Variants in NDUFAF2 observed in about 807,000 individuals in gnomAD.
The protein encoded by NDUFAF2 is NADH dehydrogenase [ubiquinone] 1 alpha subcomplex assembly factor 2.
A neutral mutation model predicts 22.8 loss-of-function variants in NDUFAF2; 13 were observed. The ratio of observed to expected loss-of-function variants is 0.57; its 90% confidence interval spans 0.37 to 0.91. The LOEUF (loss-of-function observed/expected upper bound fraction) is 0.91. Among genes scored for constraint, NDUFAF2 ranks in the 40% least tolerant of loss-of-function variants. The probability of loss-of-function intolerance (pLI) is 0.01; values close to 1 mark genes in which losing one functional copy is unlikely to be tolerated. For missense variants in NDUFAF2, 162 were observed against 195.2 expected (o/e 0.83, Z 1.01); for synonymous variants, 53 against 64.2 (o/e 0.83, Z 0.84).
rs80237818 is a variant in NDUFAF2 at position 61,121,180 on chromosome 5, T to C, written c.258+22148T>C. 5.8e-3 allele frequency among the ~76,000 whole-genome samples: 880 copies of C among 152,280 alleles called. 9 individuals carry two copies. The highest frequency in any genetic ancestry group is 0.02 in the African/African-American group (826 of 41,580). ...ATACTATGCCCATATGTTAGTCCTA[T>C]AGTCATAAAGAATTAGGCATTTTAT... is the stretch of plus-strand genomic sequence containing the variant. On this transcript the variant is annotated intron_variant, in intron 3 of 3. Transcript: ENST00000296597.
In NDUFAF2 at chr5:61,036,700, A is replaced by C. The variant is rs572039614; in HGVS notation, c.128-36425A>C. Among the ~76,000 whole-genome samples the C allele has an allele frequency of 3.9e-5, 6 of 152,334 alleles. 1 individual carries two copies. The South Asian group carries it at 1.2e-3, about 32-fold the overall frequency. ...GATGTCTTTACCATTTCCAGTGCTG[A>C]AACAGTGAGGGGAAGAAGTGGTTTC... On this transcript the variant is annotated intron_variant, in intron 1 of 3. Coordinates refer to ENST00000296597, the MANE Select transcript of NDUFAF2 (RefSeq NM_174889.5).
intron 1 of NDUFAF2, among the ~76,000 whole-genome samples, chr5:60,995,904 C>T (rs1472198388): frequency 2.0e-5 from 3 of 152,150 alleles, no homozygotes; most frequent in Non-Finnish European, 4.4e-5. Context: ...AATGTCCCTC[C>T]CCATTTCAAA....
chr5:61,028,494 A>G (rs1751682719), intron 1 of NDUFAF2, among the ~76,000 whole-genome samples: 1 of 152,280 alleles, frequency 6.6e-6, no homozygotes, highest in South Asian at 2.1e-4. Flanking sequence ...CTTAGTAAAC[A>G]GTAAATAATA....
chr5:60,946,736 C>T (rs1209776985), intron 1 of NDUFAF2, among the ~76,000 whole-genome samples: 2 of 152,118 alleles, frequency 1.3e-5, no homozygotes, highest in Admixed American at 6.5e-5. Flanking sequence ...GTAGAGTAAC[C>T]TCACTGGATT....
chr5:61,058,635 T>G (rs189513353), intron 1 of NDUFAF2, among the ~76,000 whole-genome samples: 36 of 152,166 alleles, frequency 2.4e-4, no homozygotes, highest in Middle Eastern at 3.4e-3. Context: ...TAAGACATCT[T>G]AACTCATGTT....
At chr5:60,966,142 C>T (rs1750755833) in intron 1 of NDUFAF2, among the ~76,000 whole-genome samples, 1 of 152,134 alleles carries the variant, frequency 6.6e-6, no homozygotes, top group African/African-American at 2.4e-5. Context: ...ATTTTCTTCA[C>T]ATGCCTGATG....
chr5:61,064,277 G>C (rs528691634), intron 1 of NDUFAF2, among the ~76,000 whole-genome samples: 7 of 152,196 alleles, frequency 4.6e-5, no homozygotes, highest in Admixed American at 2.0e-4. Flanking sequence ...GGGAGAAATA[G>C]ATAGCAATAC....
chr5:60,991,291 A>G (rs1751155254), intron 1 of NDUFAF2, among the ~76,000 whole-genome samples: 1 of 152,154 alleles, frequency 6.6e-6, no homozygotes, highest in South Asian at 2.1e-4. Context: ...TGGGGTATCC[A>G]TTTTCTTATA....
chr5:61,066,571 A>G (rs1752230860), intron 1 of NDUFAF2, among the ~76,000 whole-genome samples: 1 of 149,066 alleles, frequency 6.7e-6, no homozygotes, highest in Non-Finnish European at 1.5e-5. Context: ...CTAGAAATCA[A>G]TCTATACATA....
At chr5:61,143,963 TGTG>T (rs1561138966) in intron 3 of NDUFAF2, among the ~76,000 whole-genome samples, 4 of 11,688 alleles carry the variant, frequency 3.4e-4, no homozygotes, top group African/African-American at 1.1e-3. Context: ...CATATTTTTG[TGTG>T]TGTGTGTGTG....
intron 1 of NDUFAF2, among the ~76,000 whole-genome samples, chr5:60,958,522 A>G (rs532324732): frequency 6.6e-6 from 1 of 152,278 alleles, no homozygotes; most frequent in East Asian, 1.9e-4. Flanking sequence ...ACATTTTTAT[A>G]ACAACCATGT....
intron 3 of NDUFAF2, among the ~76,000 whole-genome samples, chr5:61,106,671 A>G (rs1175017474): frequency 6.6e-6 from 1 of 150,794 alleles, no homozygotes; most frequent in East Asian, 1.9e-4. Flanking sequence ...GTGCCCATTA[A>G]CCATTCCCAC....
In NDUFAF2 at chr5:61,038,919, T is replaced by G. The variant is rs376676651; in HGVS notation, c.128-34206T>G. Among the ~76,000 whole-genome samples the G allele has an allele frequency of 1.1e-3, 163 of 152,200 alleles. 1 individual carries two copies. Among genetic ancestry groups the G allele is most frequent in the Middle Eastern group, 0.01 (3 of 294 alleles). On this transcript the variant is annotated intron_variant, in intron 1 of 3. Transcript: ENST00000296597. ...TTTCTCTTCTTTGCATGAATGCTTT[T>G]TTGTTTATCTTGTTACATGTGTTTT...
chr5:61,120,262 T>C (rs760195247), intron 3 of NDUFAF2, among the ~76,000 whole-genome samples: 1 of 152,192 alleles, frequency 6.6e-6, no homozygotes, highest in Non-Finnish European at 1.5e-5. Flanking sequence ...TCATGAATCA[T>C]TTGAATGTTT....
intron 1 of NDUFAF2, among the ~76,000 whole-genome samples, chr5:60,986,678 C>T (rs1490154516): frequency 6.6e-6 from 1 of 152,028 alleles, no homozygotes; most frequent in East Asian, 1.9e-4. Context: ...TGCCTATAAT[C>T]CCAGCGCTTT....
At chr5:61,020,952 C>G (rs1751574703) in intron 1 of NDUFAF2, among the ~76,000 whole-genome samples, 1 of 150,888 alleles carries the variant, frequency 6.6e-6, no homozygotes, top group South Asian at 2.1e-4. Flanking sequence ...CCTCGGCCTC[C>G]CAGACTGCTG....
chr5:61,137,743 CTTG>C (rs1341251944), intron 3 of NDUFAF2, among the ~76,000 whole-genome samples: 1 of 152,156 alleles, frequency 6.6e-6, no homozygotes, highest in African/African-American at 2.4e-5. Flanking sequence ...CATTTGGAGC[CTTG>C]TTGTGTTCTT....
intron 1 of NDUFAF2, among the ~76,000 whole-genome samples, chr5:60,984,912 A>G (rs1751050240): frequency 6.6e-6 from 1 of 152,164 alleles, no homozygotes; most frequent in Non-Finnish European, 1.5e-5. Flanking sequence ...GCCTCATCAA[A>G]TGAGTTAGGG....
intron 1 of NDUFAF2, among the ~76,000 whole-genome samples, chr5:60,969,600 C>T (rs1441691219): frequency 6.6e-6 from 1 of 151,434 alleles, no homozygotes; most frequent in East Asian, 1.9e-4. Context: ...CAATATAGAG[C>T]TCCTTCTATA....
Sources: allele counts gnomAD v4.1 joint callset (sites outside exome capture counted in the v4.1 genomes callset), GRCh38; gene constraint gnomAD v4.1.1; transcripts MANE v1.5; gene names NCBI Gene and HGNC (gene_info 2026-07-23, HGNC 2026-07-21).